Variants in DCBLD2 observed in about 807,000 individuals in gnomAD.
DCBLD2 encodes the protein discoidin, CUB and LCCL domain-containing protein 2.
In DCBLD2, 54 loss-of-function variants were observed where a neutral mutation model predicts 86.8. The ratio of observed to expected loss-of-function variants is 0.62; its 90% CI spans 0.50 to 0.78. DCBLD2 has a LOEUF of 0.78. DCBLD2 is among the 30% of genes least tolerant of loss of function. The pLI is 0.00. For missense variants in DCBLD2, 908 were observed against 954.2 expected, an observed-to-expected ratio of 0.95 and a Z score of 0.64; for synonymous variants, 354 against 341.3, an observed-to-expected ratio of 1.04 and a Z score of -0.41.
In DCBLD2 at chr3:98,839,161, T is replaced by C. The variant is rs1218413210; in HGVS notation, c.571+10300A>G. Among the ~76,000 whole-genome samples the C allele has an allele frequency of 9.5e-4, 89 of 93,424 alleles. 1 individual carries two copies. Among genetic ancestry groups the C allele is most frequent in the East Asian group, 8.3e-3 (17 of 2,048 alleles). The allele number at this position is 93,424 out of a possible 152,430, so 61.3% of individuals were successfully genotyped here. On this transcript the variant is annotated intron_variant, in intron 3 of 15. Transcript: ENST00000326840. ...CTTCCTTCCTTCTTTCTTTCTTTCTTTCTTTCTTTCCTTTCTTTCTTCCTT... is the reference window on the plus strand; with the variant it reads ...CTTCCTTCCTTCTTTCTTTCTTTCTCTCTTTCTTTCCTTTCTTTCTTCCTT...
At chr3:98,894,533 T>A (rs1482019618) in intron 1 of DCBLD2, among the ~76,000 whole-genome samples, 1 of 152,140 alleles carries the variant, frequency 6.6e-6, no homozygotes, top group South Asian at 2.1e-4. Flanking sequence ...GCATGTCTAT[T>A]TTCAGAATTT....
chr3:98,829,047 A>C (rs888029160), intron 3 of DCBLD2, among the ~76,000 whole-genome samples: 1 of 152,206 alleles, frequency 6.6e-6, no homozygotes, highest in African/African-American at 2.4e-5. Context: ...CTACTAACTA[A>C]GGAATTTCCT....
intron 1 of DCBLD2, among the ~76,000 whole-genome samples, chr3:98,886,984 T>C (rs567924335): frequency 6.6e-6 from 1 of 152,112 alleles, no homozygotes; most frequent in African/African-American, 2.4e-5. Flanking sequence ...TGATTCCATA[T>C]GACTTTCCAG....
intron 1 of DCBLD2, among the ~76,000 whole-genome samples, chr3:98,888,094 G>A (rs1048772007): frequency 6.6e-6 from 1 of 151,892 alleles, no homozygotes; most frequent in Admixed American, 6.6e-5. Flanking sequence ...TAGCCTTTTC[G>A]GATTGGCTGC....
chr3:98,817,713 T>G, intron 9 of DCBLD2, 56 bp downstream of exon 9: 2 of 1,574,416 alleles, frequency 1.3e-6, no homozygotes, highest in Non-Finnish European at 8.7e-7. Flanking sequence ...GCTCTGTGAC[T>G]TGGCAACCAC....
chr3:98,868,670 C>CAA (rs928905058), intron 2 of DCBLD2, among the ~76,000 whole-genome samples: 5 of 152,084 alleles, frequency 3.3e-5, no homozygotes, highest in Admixed American at 6.6e-5. Context: ...TATTTATCCA[C>CAA]AAGGTTAGTC....
intron 3 of DCBLD2, among the ~76,000 whole-genome samples, chr3:98,828,520 A>C (rs1196049346): frequency 6.6e-6 from 1 of 152,148 alleles, no homozygotes; most frequent in African/African-American, 2.4e-5. Flanking sequence ...ACCACCATAC[A>C]CTCACTAGGA....
chr3:98,898,820 A>T (rs548900099), intron 1 of DCBLD2, among the ~76,000 whole-genome samples: 1 of 152,324 alleles, frequency 6.6e-6, no homozygotes, highest in East Asian at 1.9e-4. Flanking sequence ...AGAAAATTCA[A>T]ATCTCAAATA....
At chr3:98,887,700 T>A (rs113687545) in intron 1 of DCBLD2, among the ~76,000 whole-genome samples, 1 of 152,158 alleles carries the variant, frequency 6.6e-6, no homozygotes, top group African/African-American at 2.4e-5. Flanking sequence ...AGTTTTAGGT[T>A]CATAATAAAA....
In DCBLD2 at chr3:98,901,623, C is replaced by T; in HGVS notation, c.-297G>A. On this transcript the variant is annotated 5_prime_UTR_variant, in exon 1 of 16. Coordinates refer to ENST00000326840, the MANE Select transcript of DCBLD2 (RefSeq NM_080927.4). ...CGGCGGAGCTAAGGAACGTGCCTCC[C>T]GCGCCGCGCTCCTCACCAGGGTCGC... The T allele has an allele frequency of 4.2e-6, 1 of 236,956 alleles. No homozygotes were observed. The allele number at this position is 236,956 out of a possible 1,614,324, so 14.7% of individuals were successfully genotyped here. A position where few individuals can be genotyped will look rare whatever the true frequency, so the allele number is the denominator to read the frequency against.
At chr3:98,847,871 T>A (rs572216957) in intron 3 of DCBLD2, among the ~76,000 whole-genome samples, 55 of 152,222 alleles carry the variant, frequency 3.6e-4, no homozygotes, top group Non-Finnish European at 6.6e-4. Flanking sequence ...CAGGGGGAAA[T>A]GAACACATCC....
intron 2 of DCBLD2, among the ~76,000 whole-genome samples, chr3:98,863,401 C>T (rs1344835752): frequency 6.6e-6 from 1 of 152,154 alleles, no homozygotes; most frequent in African/African-American, 2.4e-5. Context: ...AGCTGCATTG[C>T]CAAGACAATC....
intron 1 of DCBLD2, among the ~76,000 whole-genome samples, chr3:98,895,029 G>A (rs1943728260): frequency 6.6e-6 from 1 of 152,000 alleles, no homozygotes. Context: ...AGAAGACAAG[G>A]AAAGTAAGAG....
chr3:98,832,979 G>A (rs1942350521), intron 3 of DCBLD2, among the ~76,000 whole-genome samples: 1 of 152,166 alleles, frequency 6.6e-6, no homozygotes, highest in South Asian at 2.1e-4. Flanking sequence ...GGCCTCTCTA[G>A]CGAGGCTGGG....
At chr3:98,801,680 CAG>C (rs751004754) in intron 13 of DCBLD2, 31 bp from the exon 14 acceptor site, 9 of 1,570,732 alleles carry the variant, frequency 5.7e-6, no homozygotes, top group Non-Finnish European at 7.8e-6. Context: ...AGTTAGCAAA[CAG>C]AGTAAATTCA....
chr3:98,806,415 C>G (rs1306712126), intron 13 of DCBLD2, among the ~76,000 whole-genome samples: 1 of 152,144 alleles, frequency 6.6e-6, no homozygotes, highest in African/African-American at 2.4e-5. Flanking sequence ...TGCTAAGTTC[C>G]TTAAATGCAT....
At chr3:98,844,059 CA>C (rs1942673415) in intron 3 of DCBLD2, among the ~76,000 whole-genome samples, 1 of 151,424 alleles carries the variant, frequency 6.6e-6, no homozygotes, top group Non-Finnish European at 1.5e-5. Flanking sequence ...CACACACACA[CA>C]CACCCCAATT....
At chr3:98,819,124 CT>C in intron 8 of DCBLD2, 77 bp downstream of exon 8, 1 of 1,354,416 alleles carries the variant, frequency 7.4e-7, no homozygotes, top group East Asian at 2.5e-5. Flanking sequence ...TTAATTTTCT[CT>C]GAAAATCTTA....
intron 1 of DCBLD2, among the ~76,000 whole-genome samples, chr3:98,883,318 A>G (rs1042194551): frequency 6.6e-6 from 1 of 152,220 alleles, no homozygotes. Flanking sequence ...TATTAAAGCA[A>G]TATTTAATGA....
Sources: allele counts gnomAD v4.1 joint callset (sites outside exome capture counted in the v4.1 genomes callset), GRCh38; gene constraint gnomAD v4.1.1; transcripts MANE v1.5; gene names NCBI Gene and HGNC (gene_info 2026-07-23, HGNC 2026-07-21).